Variants in RICTOR observed in about 807,000 individuals in gnomAD.
RICTOR encodes the protein rapamycin-insensitive companion of mTOR.
A neutral mutation model predicts 214.9 loss-of-function variants in RICTOR; 49 were observed. That is an observed-to-expected ratio of 0.23 (90% CI 0.18 to 0.29). The LOEUF is 0.29. RICTOR is among the 10% of genes least tolerant of loss of function. The pLI is 1.00. For missense variants in RICTOR, 1,625 were observed against 2,047.0 expected, an observed-to-expected ratio of 0.79 and a Z score of 3.98; for synonymous variants, 717 against 711.3, an observed-to-expected ratio of 1.01 and a Z score of -0.13.
At chr5:39,025,852 C>T (rs1755775997) in intron 2 of RICTOR, among the ~76,000 whole-genome samples, 2 of 152,198 alleles carry the variant, frequency 1.3e-5, no homozygotes, top group Admixed American at 1.3e-4. Flanking sequence ...TTGAATGACA[C>T]AAACATTCAG....
chr5:38,938,133 T>G lies in RICTOR; in HGVS notation c.*4171A>C. 4.7e-6 allele frequency: 1 copy of G among 213,040 alleles called. No individual in the cohort carries two copies. 13.2% of individuals were successfully genotyped at this position (213,040 alleles called of 1,614,324 possible). ...AATATTCTTACAGAAAAAATATAAA[T>G]ACTTTTTCTTTCTATGTTACAGTTA... On this transcript the variant is annotated 3_prime_UTR_variant, in exon 38 of 38. Coordinates refer to ENST00000357387, the MANE Select transcript of RICTOR (RefSeq NM_152756.5).
At chr5:38,953,178 A>C in intron 28 of RICTOR, 87 bp from the exon 29 acceptor site, 3 of 888,468 alleles carry the variant, frequency 3.4e-6, no homozygotes, top group Non-Finnish European at 5.3e-6. Context: ...ATTTAACCTC[A>C]TCTCTGAGAG....
intron 6 of RICTOR, among the ~76,000 whole-genome samples, chr5:38,995,881 T>C (rs1561510619): frequency 6.6e-6 from 1 of 152,184 alleles, no homozygotes; most frequent in Non-Finnish European, 1.5e-5. Context: ...ATTTCCGGTA[T>C]CATTCTTAGT....
chr5:38,998,353 T>G (rs550206809), intron 5 of RICTOR, among the ~76,000 whole-genome samples: 12 of 152,176 alleles, frequency 7.9e-5, no homozygotes, highest in Non-Finnish European at 1.6e-4. Flanking sequence ...GCCTGGCTAA[T>G]TTTTGTTTTC....
At chr5:39,013,002 G>A (rs1394464718) in intron 3 of RICTOR, among the ~76,000 whole-genome samples, 1 of 152,148 alleles carries the variant, frequency 6.6e-6, no homozygotes, top group African/African-American at 2.4e-5. Flanking sequence ...ATCTGAGAAT[G>A]AAGACAACCT....
chr5:38,983,080 A>G (rs966239496), intron 7 of RICTOR, among the ~76,000 whole-genome samples: 1 of 152,136 alleles, frequency 6.6e-6, no homozygotes, highest in Non-Finnish European at 1.5e-5. Flanking sequence ...TTATCCTAGA[A>G]AGATCTCTCA....
At chr5:39,037,307 C>T (rs1213394734) in intron 2 of RICTOR, among the ~76,000 whole-genome samples, 3 of 152,038 alleles carry the variant, frequency 2.0e-5, no homozygotes, top group African/African-American at 4.8e-5. Context: ...CTCTGGGACA[C>T]ATTCAAAGCA....
chr5:39,004,691 C>T (rs1753891607), intron 3 of RICTOR, among the ~76,000 whole-genome samples: 1 of 151,226 alleles, frequency 6.6e-6, no homozygotes. Context: ...AACTCCTGAC[C>T]TTAGGTGATC....
chr5:38,953,009 T>A lies in RICTOR; in HGVS notation c.2873A>T (p.Gln958Leu). ...CCCTCTGATGGAAAGAACTTCACAC[T>A]GTTTTGCAAGTTTTAGTATATCTGG... ...VIPDILKLAK[Q>L]CEVLSIRGTC... Residue 958 changes from glutamine to leucine, a missense_variant, in exon 29 of 38, where the codon CAG (glutamine) becomes CTG (leucine). Physicochemically the swap from Gln to Leu is moderately radical, Grantham distance 113. This residue lies in a region of RICTOR where 1,214 missense variants were observed against 1,470.5 expected (regional missense o/e 0.83). Coordinates refer to ENST00000357387, the MANE Select transcript of RICTOR (RefSeq NM_152756.5). 10 of 1,608,202 alleles carry A rather than the reference T, an allele frequency of 6.2e-6. No homozygotes were observed. Among genetic ancestry groups the A allele is most frequent in the Non-Finnish European group, 8.5e-6 (10 of 1,175,634 alleles).
chr5:39,011,154 T>C (rs1754484344), intron 3 of RICTOR, among the ~76,000 whole-genome samples: 1 of 152,078 alleles, frequency 6.6e-6, no homozygotes, highest in Non-Finnish European at 1.5e-5. Context: ...TAGTCTTTAG[T>C]GCCCTGTATC....
At chr5:38,963,458 A>T (rs2150025481) in intron 16 of RICTOR, among the ~76,000 whole-genome samples, 1 of 152,138 alleles carries the variant, frequency 6.6e-6, no homozygotes, top group Non-Finnish European at 1.5e-5. Flanking sequence ...CATATGGATA[A>T]TCAATGATCC....
rs374421537 is a variant in RICTOR at position 38,967,936 on chromosome 5, T to C, written c.1060+7A>G. On this transcript the variant is annotated splice_region_variant and intron_variant, in intron 12 of 37. Coordinates refer to ENST00000357387, the MANE Select transcript of RICTOR (RefSeq NM_152756.5). ...ATGAAAAGATACAAATGTACTTCAA[T>C]ACTTACCTACACTGAGTAGTGCTTC... 6.0e-5 allele frequency: 85 copies of C among 1,415,994 alleles called. No individual in the cohort carries two copies. Among genetic ancestry groups the C allele is most frequent in the South Asian group, 1.3e-4 (11 of 85,586 alleles). 87.7% of individuals were successfully genotyped at this position (1,415,994 alleles called of 1,614,324 possible). A position where few individuals can be genotyped will look rare whatever the true frequency, so the allele number is the denominator to read the frequency against.
intron 8 of RICTOR, among the ~76,000 whole-genome samples, chr5:38,980,092 A>G (rs577860580): frequency 1.7e-3 from 254 of 152,194 alleles, no homozygotes; most frequent in African/African-American, 5.8e-3. Context: ...TGGAATTTCC[A>G]TTTGATTTTT....
chr5:39,013,072 T>A (rs931043068), intron 3 of RICTOR, among the ~76,000 whole-genome samples: 1 of 152,198 alleles, frequency 6.6e-6, no homozygotes, highest in Non-Finnish European at 1.5e-5. Flanking sequence ...TCTCAACCCC[T>A]GGGTTGTCTT....
chr5:38,946,953 T>C (rs1748273660), intron 32 of RICTOR, among the ~76,000 whole-genome samples: 1 of 148,718 alleles, frequency 6.7e-6, no homozygotes, highest in African/African-American at 2.5e-5. Flanking sequence ...AAGTTAAATG[T>C]GACTAAAAAA....
chr5:38,998,019 T>C (rs541541169), intron 5 of RICTOR, among the ~76,000 whole-genome samples: 5 of 152,316 alleles, frequency 3.3e-5, no homozygotes, highest in East Asian at 3.9e-4. Flanking sequence ...GAACAGAGTA[T>C]AGATTTCAGC....
chr5:38,942,740 G>A (rs1211951471), intron 37 of RICTOR, 93 bp downstream of exon 37: 3 of 1,042,526 alleles, frequency 2.9e-6, no homozygotes, highest in Non-Finnish European at 4.3e-6. Context: ...GTAGGCATGA[G>A]TCACCACACC....
Position 38,946,515 on chromosome 5 carries a change from G to A in RICTOR, c.4352C>T (p.Pro1451Leu), listed in dbSNP as rs769138398. 5 of 1,611,206 alleles carry A rather than the reference G, an allele frequency of 3.1e-6. No individual in the cohort carries two copies. The highest frequency in any genetic ancestry group is 3.4e-6 in the Non-Finnish European group (4 of 1,177,622). Residue 1451 changes from proline (P) to leucine (L), a missense_variant, in exon 33 of 38, where the codon CCA (proline) becomes CTA (leucine). Physicochemically the swap from Pro to Leu is moderately conservative, Grantham distance 98 (BLOSUM62 -3). This residue lies in a region of RICTOR where 1,214 missense variants were observed against 1,470.5 expected (regional missense o/e 0.83). Coordinates refer to ENST00000357387, the MANE Select transcript of RICTOR (RefSeq NM_152756.5). Reference protein sequence around the residue: ...DIPYFQTKNIPPHDDRGARAF... With the variant: ...DIPYFQTKNILPHDDRGARAF... ...TCTTGCACCTCGATCATCATGTGGT[G>A]GTATGTTTTTTGTCTGAAAATAGGG...
Position 38,949,592 on chromosome 5 carries a change from T to C in RICTOR, c.4136+120A>G, listed in dbSNP as rs1748528331. 11 of 1,059,488 alleles carry C rather than the reference T, an allele frequency of 1.0e-5. No individual in the cohort carries two copies. In the South Asian group the frequency reaches 1.6e-4, roughly 15 times the overall value. The allele number at this position is 1,059,488 out of a possible 1,614,324, so 65.6% of individuals were successfully genotyped here. On this transcript the variant is annotated intron_variant, in intron 31 of 37. Coordinates refer to ENST00000357387, the MANE Select transcript of RICTOR (RefSeq NM_152756.5). ...ACAAGGAGCTTATAGCCTACCATAG[T>C]AAACAATTATAATAGGTCAGTGATG...
Sources: gnomAD v4.1 joint callset for allele counts (sites outside exome capture counted in the v4.1 genomes callset) on GRCh38, gnomAD v4.1.1 for gene constraint, gnomAD v4.1.1 regional missense constraint, MANE v1.5 for transcripts, NCBI Gene and HGNC (gene_info 2026-07-23, HGNC 2026-07-21) for gene names.